Variants in ADGB observed in about 807,000 individuals in gnomAD.
ADGB encodes the protein androglobin, also known as calpain-7-like protein.
In ADGB, 172 loss-of-function variants were observed where a neutral mutation model predicts 210.5. The observed-to-expected ratio is 0.82, with a 90% CI of 0.72 to 0.93. The LOEUF is 0.93. Ranked by LOEUF, ADGB falls within the 40% of genes least tolerant of loss-of-function variation. The pLI, the probability that ADGB is intolerant of heterozygous loss-of-function variation, is 0.00. For synonymous variants in ADGB, 658 were observed against 662.7 expected, an observed-to-expected ratio of 0.99 and a Z score of 0.11; for missense variants, 2,025 against 1,964.8, an observed-to-expected ratio of 1.03 and a Z score of -0.58.
chr6:146,636,452 T>C (rs1055210720), intron 2 of ADGB, among the ~76,000 whole-genome samples: 1 of 152,050 alleles, frequency 6.6e-6, no homozygotes, highest in Non-Finnish European at 1.5e-5. Context: ...ATTAGCAACA[T>C]GTAAGGGAAC....
At chr6:146,603,375 A>G (rs12660600) in intron 1 of ADGB, among the ~76,000 whole-genome samples, 31,074 of 152,156 alleles carry the variant, frequency 0.2, 3,800 homozygotes, top group South Asian at 0.29. Flanking sequence ...ATCATAGACA[A>G]GATAACAGAG....
At chr6:146,665,568 A>ACCT (rs1188882295) in intron 6 of ADGB, among the ~76,000 whole-genome samples, 3 of 152,120 alleles carry the variant, frequency 2.0e-5, no homozygotes, top group Non-Finnish European at 4.4e-5. Context: ...TAGAGCAGTG[A>ACCT]GGCATTGAAT....
At chr6:146,671,037 A>C (rs1776000261) in intron 7 of ADGB, among the ~76,000 whole-genome samples, 1 of 152,194 alleles carries the variant, frequency 6.6e-6, no homozygotes, top group Non-Finnish European at 1.5e-5. Context: ...GCATCCCAGA[A>C]AAACATGTGG....
chr6:146,651,904 A>G (rs781019502), intron 3 of ADGB, among the ~76,000 whole-genome samples: 3 of 152,192 alleles, frequency 2.0e-5, no homozygotes, highest in Non-Finnish European at 2.9e-5. Flanking sequence ...ACTCGATTAC[A>G]CTGTTATAAA....
chr6:146,672,170 G>GAAAA, intron 7 of ADGB, 50 bp from the exon 8 acceptor site: 1 of 1,115,756 alleles, frequency 9.0e-7, no homozygotes, highest in South Asian at 1.9e-5. Context: ...GAAGTTCAAG[G>GAAAA]AAAAAAAAAA....
At chr6:146,644,910 G>T in intron 3 of ADGB, 45 bp downstream of exon 3, 1 of 1,173,452 alleles carries the variant, frequency 8.5e-7, no homozygotes, top group South Asian at 1.7e-5. Flanking sequence ...CTATGTGGAT[G>T]TATTATCCTA....
At chr6:146,663,076 T>C (rs1775885803) in intron 5 of ADGB, among the ~76,000 whole-genome samples, 2 of 143,896 alleles carry the variant, frequency 1.4e-5, no homozygotes, top group Admixed American at 7.1e-5. Flanking sequence ...TAAGGTCATA[T>C]ATTTATATAA....
chr6:146,654,100 T>C (rs1562265753), intron 3 of ADGB, 35 bp from the exon 4 acceptor site: 2 of 1,259,818 alleles, frequency 1.6e-6, no homozygotes, highest in Non-Finnish European at 2.2e-6. Flanking sequence ...ATTATTTTTC[T>C]TATGGAGTAA....
chr6:146,620,448 T>C (rs1238503858), intron 1 of ADGB, among the ~76,000 whole-genome samples: 2 of 152,134 alleles, frequency 1.3e-5, no homozygotes, highest in Admixed American at 6.5e-5. Flanking sequence ...CCCATAATTC[T>C]TGTAGGTTTT....
chr6:146,646,887 G>C (rs1182975274), intron 3 of ADGB, among the ~76,000 whole-genome samples: 2 of 151,878 alleles, frequency 1.3e-5, no homozygotes, highest in Non-Finnish European at 2.9e-5. Context: ...CCAGGAGTTT[G>C]AGACCAGCCT....
At chr6:146,696,710 A>G (rs1240728376) in intron 12 of ADGB, among the ~76,000 whole-genome samples, 4 of 152,280 alleles carry the variant, frequency 2.6e-5, no homozygotes, top group African/African-American at 9.6e-5. Context: ...AAGCTGCTCA[A>G]ATTATGTTCC....
At position 146,680,498 on chromosome 6, in the gene ADGB, G is replaced by A. The variant is rs1312499907; in HGVS notation, c.1216+4057G>A. Among the ~76,000 whole-genome samples, 5 of 152,078 alleles carry A rather than the reference G, an allele frequency of 3.3e-5. No individual in the cohort carries two copies. The East Asian group carries it at 9.6e-4, about 29-fold the overall frequency. On this transcript the variant is annotated intron_variant, in intron 9 of 35. Transcript: ENST00000397944. ...GCCAGAAGTTGAGTACTAATAACAA[G>A]GTGAAAATATGTGGTGTCTGCTTAA...
At chr6:146,648,152 C>G (rs758969273) in intron 3 of ADGB, among the ~76,000 whole-genome samples, 71 of 152,006 alleles carry the variant, frequency 4.7e-4, no homozygotes, top group Non-Finnish European at 9.4e-4. Flanking sequence ...ATTTTTATAA[C>G]CTTTTTTAAC....
intron 29 of ADGB, among the ~76,000 whole-genome samples, chr6:146,778,589 C>T (rs73584841): frequency 6.6e-6 from 1 of 152,016 alleles, no homozygotes; most frequent in Non-Finnish European, 1.5e-5. Context: ...CAACCTTATT[C>T]TCTTTCTGTG....
chr6:146,775,928 A>T (rs1181737566), intron 29 of ADGB, among the ~76,000 whole-genome samples: 2 of 152,054 alleles, frequency 1.3e-5, no homozygotes, highest in Non-Finnish European at 2.9e-5. Flanking sequence ...AAATATGTAA[A>T]TTTTCAAATT....
At chr6:146,785,569 T>C in intron 31 of ADGB, 41 bp from the exon 32 acceptor site, 1 of 1,504,822 alleles carries the variant, frequency 6.6e-7, no homozygotes, top group East Asian at 2.5e-5. Context: ...GGTTGTTGCT[T>C]TTGAAGAGCT....
At chr6:146,703,291 A>T (rs1464974388) in intron 13 of ADGB, among the ~76,000 whole-genome samples, 1 of 151,942 alleles carries the variant, frequency 6.6e-6, no homozygotes, top group Non-Finnish European at 1.5e-5. Flanking sequence ...ATAGTGTAAA[A>T]CATGATGTTT....
chr6:146,609,734 G>A (rs192014137), intron 1 of ADGB, among the ~76,000 whole-genome samples: 60 of 152,220 alleles, frequency 3.9e-4, no homozygotes, highest in African/African-American at 1.2e-3. Flanking sequence ...GAAATTCTTC[G>A]TTGGAATTCC....
At chr6:146,609,679 G>A (rs909735962) in intron 1 of ADGB, among the ~76,000 whole-genome samples, 4 of 152,118 alleles carry the variant, frequency 2.6e-5, no homozygotes, top group African/African-American at 9.7e-5. Flanking sequence ...GTTTGCAAAG[G>A]ATTTTATTTC....
Sources: gnomAD v4.1 joint callset for allele counts (sites outside exome capture counted in the v4.1 genomes callset) on GRCh38, gnomAD v4.1.1 for gene constraint, MANE v1.5 for transcripts, NCBI Gene and HGNC (gene_info 2026-07-23, HGNC 2026-07-21) for gene names.